Variants in GRIK2 observed in about 807,000 individuals in gnomAD.
The protein encoded by GRIK2 is glutamate receptor ionotropic, kainate 2.
Under a neutral mutation model 100.3 loss-of-function variants are expected in GRIK2, and 32 were observed. The ratio of observed to expected loss-of-function variants is 0.32; its 90% confidence interval spans 0.24 to 0.43. The LOEUF (loss-of-function observed/expected upper bound fraction) is 0.43, where lower values mean the gene tolerates loss of function less well. Ranked by LOEUF, GRIK2 falls within the 20% of genes least tolerant of loss-of-function variation. GRIK2 has a pLI of 1.00. For synonymous variants in GRIK2, 417 were observed against 389.4 expected (o/e 1.07, Z -0.83); for missense variants, 843 against 1,114.9 (o/e 0.76, Z 3.47).
intron 14 of GRIK2, among the ~76,000 whole-genome samples, chr6:101,945,535 A>T (rs1362563924): frequency 3.9e-5 from 6 of 152,062 alleles, no homozygotes; most frequent in African/African-American, 1.5e-4. Flanking sequence ...ACAGCTCTCC[A>T]TATCTATCGC....
At chr6:101,544,433 G>A (rs746257030) in intron 2 of GRIK2, among the ~76,000 whole-genome samples, 5 of 152,108 alleles carry the variant, frequency 3.3e-5, no homozygotes, top group Admixed American at 1.3e-4. Context: ...TGTGTACCCC[G>A]GGGGAATGAA....
chr6:101,399,142 A>G lies in GRIK2; in HGVS notation c.-136A>G. 1 of 601,038 alleles carries G rather than the reference A, an allele frequency of 1.7e-6. No homozygotes were observed. The highest frequency in any genetic ancestry group is 3.0e-6 in the Non-Finnish European group (1 of 331,264). The allele number at this position is 601,038 out of a possible 1,614,324, so 37.2% of individuals were successfully genotyped here. A position where few individuals can be genotyped will look rare whatever the true frequency, so the allele number is the denominator to read the frequency against. ...TTGCTAATGGGTTTGGGAAGCGGAGACTCCTTCCTCTCTCTATGACCATGC... is the reference window on the plus strand; with the variant it reads ...TTGCTAATGGGTTTGGGAAGCGGAGGCTCCTTCCTCTCTCTATGACCATGC... On this transcript the variant is annotated 5_prime_UTR_variant, in exon 2 of 17. Coordinates refer to ENST00000369134, the MANE Select transcript of GRIK2 (RefSeq NM_021956.5).
chr6:101,684,719 ATT>A (rs11418216), intron 6 of GRIK2, among the ~76,000 whole-genome samples: 20 of 138,826 alleles, frequency 1.4e-4, no homozygotes, highest in Admixed American at 1.4e-4. Flanking sequence ...GAAAATCTGG[ATT>A]TTTTTTTTTT....
chr6:101,896,518 CATCA>C (rs1460712058), intron 12 of GRIK2, among the ~76,000 whole-genome samples: 3 of 151,664 alleles, frequency 2.0e-5, no homozygotes, highest in Non-Finnish European at 4.4e-5. Flanking sequence ...GAAGTATCTA[CATCA>C]ATCTACAAAT....
At chr6:101,706,712 C>A (rs575931738) in intron 7 of GRIK2, among the ~76,000 whole-genome samples, 65 of 151,932 alleles carry the variant, frequency 4.3e-4, no homozygotes, top group Non-Finnish European at 8.1e-4. Flanking sequence ...TTAGCCAGGC[C>A]AATGGGGATT....
chr6:102,004,930 T>TAA (rs1288514104), intron 14 of GRIK2, among the ~76,000 whole-genome samples: 1 of 151,846 alleles, frequency 6.6e-6, no homozygotes, highest in African/African-American at 2.4e-5. Context: ...AGGAAATTAT[T>TAA]AAGATTTTAA....
chr6:101,398,178 T>C (rs1775090989), intron 1 of GRIK2, among the ~76,000 whole-genome samples: 1 of 152,154 alleles, frequency 6.6e-6, no homozygotes, highest in African/African-American at 2.4e-5. Context: ...GGAAAAAGAA[T>C]GTTCAAAAAA....
At chr6:101,893,290 CA>C (rs894399938) in intron 12 of GRIK2, among the ~76,000 whole-genome samples, 1 of 151,372 alleles carries the variant, frequency 6.6e-6, no homozygotes, top group African/African-American at 2.4e-5. Context: ...GATCATGTTT[CA>C]AAAAATTCTT....
chr6:101,831,497 G>A (rs1050736728), intron 10 of GRIK2, among the ~76,000 whole-genome samples: 7 of 152,034 alleles, frequency 4.6e-5, no homozygotes, highest in Non-Finnish European at 8.8e-5. Context: ...GTGAATAGGA[G>A]GAAATTGAAA....
Position 101,985,707 on chromosome 6 carries a change from A to G in GRIK2, c.2086-49634A>G, listed in dbSNP as rs147120100. On this transcript the variant is annotated intron_variant, in intron 14 of 16. Coordinates refer to ENST00000369134, the MANE Select transcript of GRIK2 (RefSeq NM_021956.5). ...AAAATGTGAAGGTATAATCCAGAATAGTCTTAAAAGAAGGTTCTTAGAATA... is the reference window on the plus strand; with the variant it reads ...AAAATGTGAAGGTATAATCCAGAATGGTCTTAAAAGAAGGTTCTTAGAATA... Among the ~76,000 whole-genome samples, 17 of 151,974 alleles carry G rather than the reference A, an allele frequency of 1.1e-4. No individual in the cohort carries two copies. The East Asian group carries it at 3.1e-3, about 28-fold the overall frequency.
intron 4 of GRIK2, among the ~76,000 whole-genome samples, chr6:101,675,956 C>T (rs1157931821): frequency 6.6e-6 from 1 of 152,064 alleles, no homozygotes; most frequent in East Asian, 1.9e-4. Flanking sequence ...TTACATGTTA[C>T]TGACGATGAA....
At chr6:101,889,269 A>G (rs909380650) in intron 11 of GRIK2, among the ~76,000 whole-genome samples, 2 of 152,032 alleles carry the variant, frequency 1.3e-5, no homozygotes, top group African/African-American at 4.8e-5. Flanking sequence ...GAAAATAATT[A>G]ATATTAAATA....
At position 101,494,823 on chromosome 6, in the gene GRIK2, C is replaced by A. The variant is rs1582574771; in HGVS notation, c.115+95431C>A. Among the ~76,000 whole-genome samples the A allele has an allele frequency of 2.6e-5, 4 of 151,398 alleles. 1 individual carries two copies. In the Middle Eastern group the frequency reaches 0.01, roughly 394 times the overall value. The stretch of plus-strand genomic sequence containing the variant: ...TGACATGCATCTGTGGTTCCAGATA[C>A]TCAGGAGACTGAGGTGGTAGGATCC... On this transcript the variant is annotated intron_variant, in intron 2 of 16. Transcript: ENST00000369134.
At chr6:101,638,114 G>T (rs1408634789) in intron 4 of GRIK2, among the ~76,000 whole-genome samples, 1 of 151,584 alleles carries the variant, frequency 6.6e-6, no homozygotes, top group Non-Finnish European at 1.5e-5. Flanking sequence ...GAGTGATGCT[G>T]TCCTGGTCAT....
intron 12 of GRIK2, among the ~76,000 whole-genome samples, chr6:101,895,669 A>G (rs1041203410): frequency 2.0e-5 from 3 of 151,762 alleles, no homozygotes; most frequent in African/African-American, 7.2e-5. Flanking sequence ...ATGAAATGCC[A>G]ATTTTGTTGT....
At chr6:101,993,918 A>G (rs1794513171) in intron 14 of GRIK2, 1 of 147,940 alleles carries the variant, frequency 6.8e-6, no homozygotes, top group Admixed American at 6.9e-5. Flanking sequence ...ATTAATATAC[A>G]TTGTATACAA....
At chr6:101,414,315 A>C (rs1166807245) in intron 2 of GRIK2, among the ~76,000 whole-genome samples, 1 of 152,204 alleles carries the variant, frequency 6.6e-6, no homozygotes, top group African/African-American at 2.4e-5. Flanking sequence ...CCAGCACCAG[A>C]AACCCTCAAC....
At chr6:101,886,247 C>T (rs892936889) in intron 11 of GRIK2, among the ~76,000 whole-genome samples, 3 of 152,048 alleles carry the variant, frequency 2.0e-5, no homozygotes, top group Non-Finnish European at 2.9e-5. Flanking sequence ...ACAAGTTTCC[C>T]CCATGCTTTT....
rs1406741416 is a variant in GRIK2 at position 101,605,471 on chromosome 6, A to G, written c.116-16478A>G. The stretch of plus-strand genomic sequence containing the variant: ...GTCCATATTAACGCAGGTATTTAAA[A>G]TAAAATAAAGCTTAAATAATTATAT... On this transcript the variant is annotated intron_variant, in intron 2 of 16. Transcript: ENST00000369134. Among the ~76,000 whole-genome samples, 5 of 151,978 alleles carry G rather than the reference A, an allele frequency of 3.3e-5. No individual in the cohort carries two copies. The East Asian group carries it at 7.7e-4, about 24-fold the overall frequency.
Sources: allele counts gnomAD v4.1 joint callset (sites outside exome capture counted in the v4.1 genomes callset), GRCh38; gene constraint gnomAD v4.1.1; transcripts MANE v1.5; gene names NCBI Gene and HGNC (gene_info 2026-07-23, HGNC 2026-07-21).